Variants in VIPR2 observed in about 807,000 individuals in gnomAD.
The protein encoded by VIPR2 is vasoactive intestinal polypeptide receptor 2.
VIPR2 carries 48 observed loss-of-function variants against 58.0 expected under a neutral mutation model. That is an observed-to-expected ratio of 0.83 (90% CI 0.66 to 1.05). The LOEUF (loss-of-function observed/expected upper bound fraction) is 1.05, where lower values mean the gene tolerates loss of function less well. Among genes scored for constraint, VIPR2 ranks in the 50% least tolerant of loss-of-function variants. The pLI is 0.00. For missense variants in VIPR2, 534 were observed against 558.0 expected (o/e 0.96, Z 0.43); for synonymous variants, 243 against 235.2 (o/e 1.03, Z -0.30).
Position 159,095,038 on chromosome 7 carries a change from G to A in VIPR2, c.357+8719C>T, listed in dbSNP as rs1188488627. 9.2e-5 allele frequency among the ~76,000 whole-genome samples: 14 copies of A among 152,158 alleles called. No homozygotes were observed. The highest frequency in any genetic ancestry group is 1.6e-4 in the Non-Finnish European group (11 of 68,050). ...AGATAGACCCCAGCAAAGCCACTTC[G>A]TGAAATGAGAGGGCTGAGGTCTCTG... On this transcript the variant is annotated intron_variant, in intron 4 of 12. Transcript: ENST00000262178. This position sits in a 1 kb window ranked among gnomAD's most constrained non-coding sequence, Gnocchi z 5.2.
At chr7:159,079,636 TAG>T (rs1283023503) in intron 4 of VIPR2, among the ~76,000 whole-genome samples, 1 of 151,678 alleles carries the variant, frequency 6.6e-6, no homozygotes, top group African/African-American at 2.4e-5. Flanking sequence ...CTGAAGGAAA[TAG>T]AGACACAAAA....
intron 9 of VIPR2, 100 bp from the exon 10 acceptor site, chr7:159,034,404 T>TC (rs1441977988): frequency 2.2e-6 from 3 of 1,346,286 alleles, no homozygotes; most frequent in East Asian, 2.4e-5. Flanking sequence ...CCTCAGTCCC[T>TC]CCCTCCTTCC....
chr7:159,084,659 G>C (rs752894540), intron 4 of VIPR2, among the ~76,000 whole-genome samples: 19 of 152,246 alleles, frequency 1.2e-4, no homozygotes, highest in Non-Finnish European at 2.8e-4. Flanking sequence ...TGCAGGGTTT[G>C]TCTGCACCTC....
In VIPR2 at chr7:159,092,836, G is replaced by A. The variant is rs531437807; in HGVS notation, c.357+10921C>T. ...TTCTGCTTGGAAGGACTGTGGCTCC[G>A]TGTCTCAGAGTTCTGGGCCTTGGGT... On this transcript the variant is annotated intron_variant, in intron 4 of 12. Transcript: ENST00000262178. Among the ~76,000 whole-genome samples the A allele has an allele frequency of 2.9e-4, 44 of 152,068 alleles. 1 individual carries two copies. In the South Asian group the frequency reaches 5.8e-3, roughly 20 times the overall value.
chr7:159,054,703 C>T (rs1855204258), intron 5 of VIPR2, among the ~76,000 whole-genome samples: 1 of 152,272 alleles, frequency 6.6e-6, no homozygotes, highest in Non-Finnish European at 1.5e-5. Flanking sequence ...AGCCTCCTGC[C>T]CTGCTAGTGG....
rs1159318200 is a variant in VIPR2 at position 159,093,579 on chromosome 7, G to C, written c.357+10178C>G. ...CTGGAGTCTGTCAGTGCAGAGCAGCGCTGGGCTCAGGATCCGAGATGGGAG... is the reference window on the plus strand; with the variant it reads ...CTGGAGTCTGTCAGTGCAGAGCAGCCCTGGGCTCAGGATCCGAGATGGGAG... On this transcript the variant is annotated intron_variant, in intron 4 of 12. Transcript: ENST00000262178. The surrounding 1 kb of genome is among the most constrained non-coding windows in gnomAD (Gnocchi z 6.7). Among the ~76,000 whole-genome samples, 2 of 152,228 alleles carry C rather than the reference G, an allele frequency of 1.3e-5. No individual in the cohort carries two copies. Among genetic ancestry groups the C allele is most frequent in the Admixed American group, 1.3e-4 (2 of 15,292 alleles).
intron 4 of VIPR2, among the ~76,000 whole-genome samples, chr7:159,082,755 C>G (rs1856975936): frequency 6.6e-6 from 1 of 152,112 alleles, no homozygotes; most frequent in African/African-American, 2.4e-5. Context: ...GACCTGCAGA[C>G]AGATAGGCAG....
At chr7:159,071,007 C>A (rs956293716) in intron 4 of VIPR2, among the ~76,000 whole-genome samples, 6 of 152,184 alleles carry the variant, frequency 3.9e-5, no homozygotes, top group African/African-American at 1.4e-4. Context: ...CAGGTCATTA[C>A]CGGCAAGAAA....
At chr7:159,141,465 C>T (rs533988634) in intron 2 of VIPR2, among the ~76,000 whole-genome samples, 5 of 152,336 alleles carry the variant, frequency 3.3e-5, no homozygotes, top group Admixed American at 1.3e-4. Flanking sequence ...GCGTGGAGAC[C>T]GCTGGCCGCC....
chr7:159,075,456 C>T (rs773780042), intron 4 of VIPR2, among the ~76,000 whole-genome samples: 5 of 152,218 alleles, frequency 3.3e-5, no homozygotes, highest in South Asian at 2.1e-4. Flanking sequence ...TATTTGCAAA[C>T]AGTTTGTTTC....
At chr7:159,085,436 C>T (rs1489877854) in intron 4 of VIPR2, among the ~76,000 whole-genome samples, 1 of 152,226 alleles carries the variant, frequency 6.6e-6, no homozygotes, top group African/African-American at 2.4e-5. Flanking sequence ...GCTGGAACTA[C>T]AGGCACGTGC....
intron 4 of VIPR2, among the ~76,000 whole-genome samples, chr7:159,087,508 A>T (rs2730287): frequency 3.5e-5 from 4 of 114,980 alleles, no homozygotes; most frequent in Admixed American, 9.1e-5. Context: ...CCCAGGACTC[A>T]GATAGTGAGA....
rs1165236983 is a variant in VIPR2 at position 159,098,052 on chromosome 7, C to A, written c.357+5705G>T. Among the ~76,000 whole-genome samples, 1 of 152,226 alleles carries A rather than the reference C, an allele frequency of 6.6e-6. No individual in the cohort carries two copies. The highest frequency in any genetic ancestry group is 6.5e-5 in the Admixed American group (1 of 15,282). ...CTCCGTGGCCTCTTGGAAGCCTGAG[C>A]CCTGCCGGGGCAAGCGGAATCCCCA... On this transcript the variant is annotated intron_variant, in intron 4 of 12. Transcript: ENST00000262178. This position sits in a 1 kb window ranked among gnomAD's most constrained non-coding sequence, Gnocchi z 5.2.
At chr7:159,132,401 A>C (rs1167962554) in intron 2 of VIPR2, among the ~76,000 whole-genome samples, 1 of 142,782 alleles carries the variant, frequency 7.0e-6, no homozygotes, top group Non-Finnish European at 1.5e-5. Flanking sequence ...CAGGGACTGC[A>C]CTGGAACCTG....
chr7:159,030,782 C>CT lies in VIPR2; in HGVS notation c.1150_1151insA (p.Cys384Ter). Residue 384 changes from cysteine (C) to a stop codon, truncating the protein, a stop_gained and frameshift_variant, in exon 13 of 13, where the codon TGC becomes TAGC. Transcript: ENST00000262178. LOFTEE classifies it low-confidence loss of function (END_TRUNC). The stretch of plus-strand genomic sequence containing the variant: ...GCTTCGCCATTTTCGCTTCAGCTCG[C>CT]ACTGCACCTGGGAGGTGAGGGCAGC... ...LYCFLNSEVQ[C>*]ELKRKWRSRC... is the part of the protein sequence containing the mutation. 6.3e-7 allele frequency: 1 copy of CT among 1,591,702 alleles called. No homozygotes were observed. Among genetic ancestry groups the CT allele is most frequent in the Non-Finnish European group, 8.6e-7 (1 of 1,169,568 alleles).
chr7:159,059,409 T>G, intron 4 of VIPR2: 1 of 462,260 alleles, frequency 2.2e-6, no homozygotes, highest in South Asian at 1.6e-5. Flanking sequence ...ATGAATTTTA[T>G]TTTTGTCAAG....
intron 4 of VIPR2, among the ~76,000 whole-genome samples, chr7:159,076,628 TA>T (rs1197939415): frequency 8.5e-5 from 13 of 152,340 alleles, no homozygotes; most frequent in African/African-American, 2.9e-4. Flanking sequence ...TATTTTTTTT[TA>T]ACCTCTGGAT....
At chr7:159,134,958 A>G (rs1344887029) in intron 2 of VIPR2, among the ~76,000 whole-genome samples, 1 of 144,670 alleles carries the variant, frequency 6.9e-6, no homozygotes, top group East Asian at 2.1e-4. Context: ...CGCCTGGCCA[A>G]TAGGACAATA....
At chr7:159,038,966 G>A (rs1854147479) in intron 6 of VIPR2, among the ~76,000 whole-genome samples, 2 of 152,234 alleles carry the variant, frequency 1.3e-5, no homozygotes, top group Non-Finnish European at 1.5e-5. Flanking sequence ...GGAACAGCTT[G>A]TGGAAAGATG....
Sources: allele counts gnomAD v4.1 joint callset (sites outside exome capture counted in the v4.1 genomes callset), GRCh38; gene constraint gnomAD v4.1.1; non-coding constraint Gnocchi (gnomAD v3.1); transcripts MANE v1.5; gene names NCBI Gene and HGNC (gene_info 2026-07-23, HGNC 2026-07-21).